Variants in COL8A1 observed in about 807,000 individuals in gnomAD.
The protein encoded by COL8A1 is collagen type VIII alpha 1 chain, also known as collagen alpha-1(VIII) chain.
In COL8A1, 21 loss-of-function variants were observed where a neutral mutation model predicts 42.7. The ratio of observed to expected loss-of-function variants is 0.49; its 90% CI spans 0.35 to 0.71. The LOEUF (loss-of-function observed/expected upper bound fraction) is 0.71. COL8A1 is among the 30% of genes least tolerant of loss of function. The probability of loss-of-function intolerance (pLI) is 0.01; values close to 1 mark genes in which losing one functional copy is unlikely to be tolerated. For synonymous variants in COL8A1, 367 were observed against 369.1 expected (o/e 0.99, Z 0.06); for missense variants, 788 against 962.4 (o/e 0.82, Z 2.40).
At chr3:99,686,759 C>T (rs771602748) in intron 1 of COL8A1, among the ~76,000 whole-genome samples, 10 of 152,206 alleles carry the variant, frequency 6.6e-5, no homozygotes, top group Non-Finnish European at 1.2e-4. Flanking sequence ...ACTGTGGCCT[C>T]AGCCTCCCTA....
Position 99,791,478 on chromosome 3 carries a change from A to T in COL8A1, c.328+468A>T, listed in dbSNP as rs1941999536. 1.3e-5 allele frequency among the ~76,000 whole-genome samples: 2 copies of T among 152,226 alleles called. 1 individual carries two copies. The stretch of plus-strand genomic sequence containing the variant: ...AAGCATTTTGCGAACTAAGTATTAG[A>T]CAGGTGCAAGTGTTCTTAATACTAC... On this transcript the variant is annotated intron_variant, in intron 3 of 3. Coordinates refer to ENST00000652472, the MANE Select transcript of COL8A1 (RefSeq NM_020351.4).
At chr3:99,686,652 G>C (rs1696839466) in intron 1 of COL8A1, among the ~76,000 whole-genome samples, 2 of 152,174 alleles carry the variant, frequency 1.3e-5, no homozygotes, top group African/African-American at 4.8e-5. Context: ...TCATCACAAT[G>C]ACTTTAGCTG....
intron 1 of COL8A1, among the ~76,000 whole-genome samples, chr3:99,670,545 A>G (rs1211793531): frequency 1.3e-5 from 2 of 152,066 alleles, no homozygotes; most frequent in South Asian, 2.1e-4. Flanking sequence ...TTTTTGATAT[A>G]TGTATACAGT....
intron 1 of COL8A1, among the ~76,000 whole-genome samples, chr3:99,711,846 G>A (rs1227253670): frequency 1.3e-5 from 2 of 152,078 alleles, no homozygotes; most frequent in Admixed American, 6.6e-5. Flanking sequence ...GCAACATAGG[G>A]ATAATATTTT....
intron 1 of COL8A1, among the ~76,000 whole-genome samples, chr3:99,724,378 C>T (rs998441511): frequency 6.6e-6 from 1 of 152,098 alleles, no homozygotes; most frequent in East Asian, 1.9e-4. Context: ...TTCCTTTCAC[C>T]ATGACCCGTC....
intron 2 of COL8A1, among the ~76,000 whole-genome samples, chr3:99,764,701 C>CTTT (rs10648559): frequency 0.014 from 1,761 of 124,978 alleles, 51 homozygotes; most frequent in African/African-American, 0.032. Context: ...TCTTTTTTTT[C>CTTT]TTTTTTTTTT....
chr3:99,731,545 G>A (rs1940509922), intron 1 of COL8A1, among the ~76,000 whole-genome samples: 1 of 152,072 alleles, frequency 6.6e-6, no homozygotes, highest in Non-Finnish European at 1.5e-5. Flanking sequence ...GGAGCTATTG[G>A]GTATGGGGAC....
At chr3:99,651,796 G>A (rs115858778) in intron 1 of COL8A1, among the ~76,000 whole-genome samples, 1,804 of 152,314 alleles carry the variant, frequency 0.012, 45 homozygotes, top group African/African-American at 0.041. Flanking sequence ...AGCAGGACAA[G>A]GGCAGGAGAG....
chr3:99,676,678 T>C (rs1319526560), intron 1 of COL8A1, among the ~76,000 whole-genome samples: 1 of 152,104 alleles, frequency 6.6e-6, no homozygotes, highest in East Asian at 1.9e-4. Flanking sequence ...ACCACTGTTA[T>C]TCAAATTATG....
chr3:99,657,424 A>G (rs137872893), intron 1 of COL8A1, among the ~76,000 whole-genome samples: 1 of 152,334 alleles, frequency 6.6e-6, no homozygotes, highest in African/African-American at 2.4e-5. Flanking sequence ...AAAAATAATA[A>G]TAGTATTGTT....
At chr3:99,776,346 T>A (rs928421181) in intron 2 of COL8A1, among the ~76,000 whole-genome samples, 1 of 152,144 alleles carries the variant, frequency 6.6e-6, no homozygotes, top group Non-Finnish European at 1.5e-5. Context: ...TTCATGTCTG[T>A]CTTTGCCTTG....
At chr3:99,766,775 C>A (rs1204835095) in intron 2 of COL8A1, among the ~76,000 whole-genome samples, 1 of 152,096 alleles carries the variant, frequency 6.6e-6, no homozygotes, top group Non-Finnish European at 1.5e-5. Flanking sequence ...CATGGAGAAA[C>A]CCCATCTCTA....
At chr3:99,723,836 C>T (rs1307649010) in intron 1 of COL8A1, among the ~76,000 whole-genome samples, 1 of 152,166 alleles carries the variant, frequency 6.6e-6, no homozygotes, top group African/African-American at 2.4e-5. Context: ...TTCTTCCTTA[C>T]CTTCACAGAG....
At chr3:99,721,438 AG>A in intron 1 of COL8A1, among the ~76,000 whole-genome samples, 1 of 143,264 alleles carries the variant, frequency 7.0e-6, no homozygotes, top group South Asian at 2.4e-4. Context: ...GGAAAGGGGA[AG>A]GGGAAGGGGA....
intron 1 of COL8A1, among the ~76,000 whole-genome samples, chr3:99,692,098 T>A (rs569742911): frequency 4.3e-4 from 65 of 152,150 alleles, no homozygotes; most frequent in African/African-American, 1.5e-3. Flanking sequence ...AGATGTTTAC[T>A]CTCCTCTTTC....
intron 1 of COL8A1, chr3:99,680,193 T>C (rs1457784690): frequency 1.3e-5 from 2 of 151,892 alleles, no homozygotes; most frequent in African/African-American, 4.8e-5. Context: ...CCCCTTCCTG[T>C]GTCCAAGTGT....
intron 2 of COL8A1, among the ~76,000 whole-genome samples, chr3:99,752,435 C>G (rs1380451167): frequency 6.6e-6 from 1 of 152,060 alleles, no homozygotes; most frequent in African/African-American, 2.4e-5. Context: ...AAGCAAAACT[C>G]TTGTGATTCC....
chr3:99,666,986 T>A (rs1158411630), intron 1 of COL8A1, among the ~76,000 whole-genome samples: 1 of 152,236 alleles, frequency 6.6e-6, no homozygotes, highest in African/African-American at 2.4e-5. Context: ...GCATTTATTA[T>A]ATGTTATTAT....
chr3:99,786,568 G>C (rs1941900825), intron 2 of COL8A1, among the ~76,000 whole-genome samples: 1 of 152,038 alleles, frequency 6.6e-6, no homozygotes, highest in African/African-American at 2.4e-5. Context: ...TCAACCTATG[G>C]TATTTTGCTA....
Sources: allele counts gnomAD v4.1 joint callset (sites outside exome capture counted in the v4.1 genomes callset), GRCh38; gene constraint gnomAD v4.1.1; transcripts MANE v1.5; gene names NCBI Gene and HGNC (gene_info 2026-07-23, HGNC 2026-07-21).